Variants in ADAM18 observed in about 807,000 individuals in gnomAD.
ADAM18 encodes disintegrin and metalloproteinase domain-containing protein 18.
ADAM18 carries 117 observed loss-of-function variants against 94.4 expected under a neutral mutation model. The observed-to-expected ratio is 1.24, with a 90% CI of 1.07 to 1.45. The LOEUF (loss-of-function observed/expected upper bound fraction) is 1.45, where lower values mean the gene tolerates loss of function less well. Among genes scored for constraint, ADAM18 ranks in the 40% most tolerant of loss-of-function variants. ADAM18 has a pLI of 0.00. For synonymous variants in ADAM18, 327 were observed against 291.6 expected (o/e 1.12, Z -1.24); for missense variants, 936 against 880.0 (o/e 1.06, Z -0.81).
intron 14 of ADAM18, among the ~76,000 whole-genome samples, chr8:39,671,143 A>G (rs188062692): frequency 1.3e-5 from 2 of 152,348 alleles, no homozygotes; most frequent in Admixed American, 6.5e-5. Context: ...ACAGTTGGTA[A>G]TGAGAGTGGA....
intron 6 of ADAM18, among the ~76,000 whole-genome samples, chr8:39,613,910 T>C (rs1341961285): frequency 6.6e-6 from 1 of 151,908 alleles, no homozygotes; most frequent in Non-Finnish European, 1.5e-5. Flanking sequence ...TCAAATCAAT[T>C]CAGTCAGACA....
intron 12 of ADAM18, among the ~76,000 whole-genome samples, chr8:39,651,900 C>G (rs1266191453): frequency 6.6e-6 from 1 of 151,602 alleles, no homozygotes; most frequent in African/African-American, 2.4e-5. Flanking sequence ...GACATAAAAA[C>G]ACATAGATCA....
intron 6 of ADAM18, among the ~76,000 whole-genome samples, chr8:39,614,247 A>G (rs1448470471): frequency 6.6e-6 from 1 of 152,174 alleles, no homozygotes; most frequent in African/African-American, 2.4e-5. Context: ...CCTACAAAGA[A>G]CACCCCATTA....
chr8:39,685,324 C>T (rs543743807), intron 16 of ADAM18: 2 of 152,362 alleles, frequency 1.3e-5, no homozygotes, highest in African/African-American at 4.8e-5. Flanking sequence ...TGGGTCTCAT[C>T]CCACCTGGGC....
At chr8:39,628,649 C>G (rs1306871147) in intron 6 of ADAM18, among the ~76,000 whole-genome samples, 1 of 151,948 alleles carries the variant, frequency 6.6e-6, no homozygotes, top group Non-Finnish European at 1.5e-5. Context: ...TGTAAATATG[C>G]TTAGATCAAA....
rs778580768 is a variant in ADAM18, at chr8:39,637,519, A to G, written c.661-18A>G. 13 of 1,578,588 alleles carry G rather than the reference A, an allele frequency of 8.2e-6. No homozygotes were observed. Among genetic ancestry groups the G allele is most frequent in the Non-Finnish European group, 1.1e-5 (13 of 1,160,058 alleles). On this transcript the variant is annotated intron_variant, in intron 8 of 19. Transcript: ENST00000265707. ...ATAACTTGTTTCTTTAAAAATGTAC[A>G]ATACATCTTATTTTTAGATGTTTAC...
intron 3 of ADAM18, among the ~76,000 whole-genome samples, 194 bp downstream of exon 3, chr8:39,606,556 C>G (rs769343886): frequency 7.7e-4 from 117 of 152,222 alleles, no homozygotes; most frequent in Admixed American, 1.8e-3. Flanking sequence ...TTTTAATTTT[C>G]GCTTGATATT....
chr8:39,631,771 T>G (rs1470823524), intron 7 of ADAM18, among the ~76,000 whole-genome samples: 2 of 152,044 alleles, frequency 1.3e-5, no homozygotes, highest in Non-Finnish European at 2.9e-5. Context: ...ATTGTGATCT[T>G]AACAATATTG....
intron 17 of ADAM18, among the ~76,000 whole-genome samples, chr8:39,699,935 G>T (rs910837972): frequency 1.3e-5 from 2 of 152,160 alleles, no homozygotes; most frequent in Non-Finnish European, 1.5e-5. Flanking sequence ...GAAATTGGTT[G>T]TAGAATGTAT....
chr8:39,701,117 CAAAAAAAAAAAAAAAAAAA>C (rs71237188), intron 17 of ADAM18, among the ~76,000 whole-genome samples: 1 of 34,552 alleles, frequency 2.9e-5, no homozygotes, highest in South Asian at 3.0e-3. Context: ...GACTCTGTCT[CAAAAAAAAAAAAAAAAAAA>C]AAAAAAAAAA....
intron 6 of ADAM18, among the ~76,000 whole-genome samples, chr8:39,615,161 A>T (rs1819400617): frequency 4.6e-5 from 7 of 152,080 alleles, no homozygotes; most frequent in Admixed American, 4.6e-4. Flanking sequence ...CATTTTTCTC[A>T]TGTGCACATG....
intron 17 of ADAM18, among the ~76,000 whole-genome samples, chr8:39,703,738 A>G (rs983225895): frequency 2.8e-4 from 42 of 152,122 alleles, no homozygotes; most frequent in African/African-American, 9.9e-4. Context: ...AAATTGAGAC[A>G]CACACAAAAA....
chr8:39,672,921 T>G (rs923843908), intron 14 of ADAM18, among the ~76,000 whole-genome samples: 10 of 152,234 alleles, frequency 6.6e-5, no homozygotes, highest in African/African-American at 2.2e-4. Flanking sequence ...AGTTTCAGTT[T>G]ACAGTGGGTC....
intron 17 of ADAM18, among the ~76,000 whole-genome samples, chr8:39,700,946 G>A (rs1033936447): frequency 3.3e-5 from 5 of 150,584 alleles, no homozygotes; most frequent in Admixed American, 1.3e-4. Context: ...GTGAAACCCC[G>A]TCTCTACTAA....
At chr8:39,630,174 A>G (rs2129579079) in intron 7 of ADAM18, among the ~76,000 whole-genome samples, 1 of 152,008 alleles carries the variant, frequency 6.6e-6, no homozygotes, top group East Asian at 1.9e-4. Flanking sequence ...AATATGTTTC[A>G]GCATAGTTTT....
intron 17 of ADAM18, among the ~76,000 whole-genome samples, chr8:39,695,593 C>T (rs1020545241): frequency 6.6e-6 from 1 of 150,818 alleles, no homozygotes; most frequent in Non-Finnish European, 1.5e-5. Context: ...CTCCATTATC[C>T]CCTTCCCCTA....
Position 39,692,616 on chromosome 8 carries a change from C to T in ADAM18, c.1838C>T (p.Thr613Ile), listed in dbSNP as rs770010128. 25 of 1,602,310 alleles carry T rather than the reference C, an allele frequency of 1.6e-5. No individual in the cohort carries two copies. Among genetic ancestry groups the T allele is most frequent in the South Asian group, 2.2e-5 (2 of 89,404 alleles). Reference sequence around the variant, plus strand: ...TTGTTTTAGTACTGTGTAAATAAAACCTGCAGAAAAGTTCATTTAATGGGA... The same window carrying T: ...TTGTTTTAGTACTGTGTAAATAAAATCTGCAGAAAAGTTCATTTAATGGGA... ...CGPEMYCVNK[T>I]CRKVHLMGYN... is the part of the protein sequence containing the mutation. Residue 613 changes from threonine (T) to isoleucine (I), a missense_variant, in exon 17 of 20, where the codon ACC becomes ATC. Thr to Ile is a moderately conservative substitution (Grantham distance 89). Transcript: ENST00000265707.
chr8:39,611,131 C>T, intron 6 of ADAM18: 4 of 979,386 alleles, frequency 4.1e-6, no homozygotes, highest in Non-Finnish European at 4.9e-6. Context: ...GTATAGAATT[C>T]TTGCTGGCAG....
At chr8:39,596,036 CTG>C (rs1818731820) in intron 2 of ADAM18, among the ~76,000 whole-genome samples, 1 of 152,066 alleles carries the variant, frequency 6.6e-6, no homozygotes, top group Non-Finnish European at 1.5e-5. Flanking sequence ...CTAAAATAAA[CTG>C]TGTGTGTGGT....
Sources: allele counts gnomAD v4.1 joint callset (sites outside exome capture counted in the v4.1 genomes callset), GRCh38; gene constraint gnomAD v4.1.1; transcripts MANE v1.5; gene names NCBI Gene and HGNC (gene_info 2026-07-23, HGNC 2026-07-21).